The following MYO5C variants were observed in gnomAD, a reference collection of about 807,000 sequenced individuals.
The protein encoded by MYO5C is unconventional myosin-Vc.
MYO5C carries 194 observed loss-of-function variants against 235.7 expected under a neutral mutation model. The ratio of observed to expected loss-of-function variants is 0.82; its 90% confidence interval spans 0.73 to 0.93. The LOEUF (loss-of-function observed/expected upper bound fraction) is 0.93. Among genes scored for constraint, MYO5C ranks in the 40% least tolerant of loss-of-function variants. The pLI is 0.00. For synonymous variants in MYO5C, 707 were observed against 754.8 expected (o/e 0.94, Z 1.04); for missense variants, 2,038 against 2,127.2 (o/e 0.96, Z 0.82).
Position 52,193,929 on chromosome 15 carries a change from G to C in MYO5C, c.5202C>G (p.Phe1734Leu). ...ATAACCTATTCAGAAAGCCTAGCTT[G>C]AAACTGCTGGGGATCTGAATCATTT... The part of the protein sequence containing the change: ...ALEMIQIPSS[F>L]KLGFLNRL The change falls in exon 41 of 41, where the codon TTC becomes TTG. Residue 1734 changes from phenylalanine to leucine, a missense_variant. Phe to Leu is a conservative substitution (Grantham distance 22). Transcript: ENST00000261839. 6.2e-7 allele frequency: 1 copy of C among 1,613,088 alleles called. No individual in the cohort carries two copies.
In MYO5C at chr15:52,214,613, T is replaced by C. The variant is rs2035514008; in HGVS notation, c.4032A>G (p.Thr1344=). The C allele has an allele frequency of 1.2e-6, 2 of 1,601,240 alleles. No homozygotes were observed. The highest frequency in any genetic ancestry group is 1.7e-6 in the Non-Finnish European group (2 of 1,174,052). The change falls in exon 33 of 41, where the codon ACA becomes ACG. Residue 1344 remains threonine, a synonymous_variant. Transcript: ENST00000261839. ...LQDQVKTLSK[T]IGKANDVHSS... is the part of the protein sequence containing the mutation. ...AGTATTGTTTCTTACCTTTTCCAAT[T>C]GTCTTGCTTAGTGTCTTGACTTGAT...
At chr15:52,287,810 C>T (rs2037307105) in intron 1 of MYO5C, among the ~76,000 whole-genome samples, 2 of 152,096 alleles carry the variant, frequency 1.3e-5, no homozygotes, top group South Asian at 4.1e-4. Flanking sequence ...AACCCCGTCT[C>T]TACTAAAAAT....
At chr15:52,274,673 C>CCG (rs1555420128) in intron 5 of MYO5C, among the ~76,000 whole-genome samples, 15 of 134,672 alleles carry the variant, frequency 1.1e-4, no homozygotes, top group African/African-American at 5.3e-4. Context: ...TCTTAGTACC[C>CCG]CCCCCCCGAC....
chr15:52,295,482 G>T, intron 1 of MYO5C, 128 bp downstream of exon 1: 1 of 1,131,172 alleles, frequency 8.8e-7, no homozygotes, highest in Non-Finnish European at 1.2e-6. Context: ...GGCCCCCAGC[G>T]CGCGCCCGCC....
chr15:52,266,051 G>A (rs574113275), intron 8 of MYO5C, among the ~76,000 whole-genome samples: 18 of 152,204 alleles, frequency 1.2e-4, no homozygotes, highest in South Asian at 1.0e-3. Flanking sequence ...AACTAAAAAT[G>A]CCAAGTGCAG....
intron 1 of MYO5C, among the ~76,000 whole-genome samples, chr15:52,289,592 C>T (rs2140873326): frequency 6.6e-6 from 1 of 152,100 alleles, no homozygotes; most frequent in South Asian, 2.1e-4. Context: ...TTGCCATGGC[C>T]ATAAGTCAGC....
intron 20 of MYO5C, 152 bp downstream of exon 20, chr15:52,241,896 C>G: frequency 1.1e-6 from 1 of 908,972 alleles, no homozygotes; most frequent in Non-Finnish European, 1.7e-6. Flanking sequence ...CAGGCATGAG[C>G]CACAGCACCT....
At chr15:52,232,177 AGGAAGGG>A (rs72291894) in intron 24 of MYO5C, among the ~76,000 whole-genome samples, 13 of 10,150 alleles carry the variant, frequency 1.3e-3, no homozygotes, top group African/African-American at 1.8e-3. Context: ...GAAGGAAGGG[AGGAAGGG>A]AGGAAGGGAG....
In MYO5C at chr15:52,204,961, G is replaced by A. The variant is rs756731712; in HGVS notation, c.4724C>T (p.Ala1575Val). 12 of 1,614,240 alleles carry A rather than the reference G, an allele frequency of 7.4e-6. No homozygotes were observed. Among genetic ancestry groups the A allele is most frequent in the Admixed American group, 5.0e-5 (3 of 60,028 alleles). ...GATCAAGAAGAAGAGCTGCTTCACC[G>A]CCTGCCTCACAAGCTCGGGGTCCAG... Reference protein sequence around the residue: ...NGLDPELVRQAVKQLFFLIGA... With the variant: ...NGLDPELVRQVVKQLFFLIGA... Residue 1575 changes from alanine (A) to valine (V), a missense_variant, in exon 38 of 41, where the codon GCG becomes GTG. Transcript: ENST00000261839.
intron 31 of MYO5C, 62 bp from the exon 32 acceptor site, chr15:52,218,749 G>A: frequency 2.0e-6 from 3 of 1,522,734 alleles, no homozygotes; most frequent in Non-Finnish European, 2.7e-6. Flanking sequence ...GTCACTCACT[G>A]TCATAGCAAG....
chr15:52,272,578 A>G lies in MYO5C; in HGVS notation c.750+2T>C, dbSNP rs2036947956. On this transcript the variant is annotated splice_donor_variant, in intron 6 of 40. Coordinates refer to ENST00000261839, the MANE Select transcript of MYO5C (RefSeq NM_018728.4). LOFTEE classifies it high-confidence loss of function. ...TTGGGGAAAAGGAAATTTAATACTT[A>G]CTTGAAAGACAACTCTGGATTTCTC... The G allele has an allele frequency of 6.2e-7, 1 of 1,610,070 alleles. No homozygotes were observed.
intron 20 of MYO5C, among the ~76,000 whole-genome samples, chr15:52,241,729 GGTGTGTGT>G (rs370672907): frequency 6.7e-6 from 1 of 149,382 alleles, no homozygotes; most frequent in Non-Finnish European, 1.5e-5. Flanking sequence ...CAGTGCAACT[GGTGTGTGT>G]GTGTGTGTGT....
rs1408362754 is a variant in MYO5C, at chr15:52,205,890, ATCTG to A, written c.4459_4462del (p.Gln1487PhefsTer16). The A allele has an allele frequency of 3.8e-6, 6 of 1,598,266 alleles. No individual in the cohort carries two copies. In the African/African-American group the frequency reaches 5.3e-5, roughly 14 times the overall value. ...TATTCGTATAGCCACATCACTGAGAATCTGTCTGTATTCTGAAAGGTCAAAATTG... is the reference window on the plus strand; with the variant it reads ...TATTCGTATAGCCACATCACTGAGAATCTGTATTCTGAAAGGTCAAAATTG... On this transcript the variant is annotated frameshift_variant, in exon 37 of 41. Coordinates refer to ENST00000261839, the MANE Select transcript of MYO5C (RefSeq NM_018728.4). LOFTEE classifies it high-confidence loss of function.
At chr15:52,240,413 T>G (rs2036186510) in intron 20 of MYO5C, among the ~76,000 whole-genome samples, 1 of 151,324 alleles carries the variant, frequency 6.6e-6, no homozygotes, top group Non-Finnish European at 1.5e-5. Flanking sequence ...TACAAAAAAA[T>G]TTTAAAAATT....
intron 9 of MYO5C, among the ~76,000 whole-genome samples, chr15:52,263,367 C>A: frequency 6.6e-6 from 1 of 152,280 alleles, no homozygotes; most frequent in Middle Eastern, 3.4e-3. Flanking sequence ...AAGAAACACA[C>A]ATCAAATTAA....
chr15:52,215,246 G>A (rs1027096000), intron 32 of MYO5C, among the ~76,000 whole-genome samples: 4 of 152,184 alleles, frequency 2.6e-5, no homozygotes, highest in Admixed American at 1.3e-4. Flanking sequence ...TCAGAAGCTG[G>A]AGCTAGAGAA....
intron 1 of MYO5C, among the ~76,000 whole-genome samples, chr15:52,294,094 A>G (rs1269467631): frequency 6.6e-6 from 1 of 152,194 alleles, no homozygotes; most frequent in African/African-American, 2.4e-5. Context: ...CCTTCCTATC[A>G]GTTTTCTTAC....
At chr15:52,239,592 G>T in intron 21 of MYO5C, 141 bp downstream of exon 21, 1 of 808,990 alleles carries the variant, frequency 1.2e-6, no homozygotes, top group Non-Finnish European at 1.9e-6. Flanking sequence ...GTGTACTTCT[G>T]TTTCCTAGCT....
intron 8 of MYO5C, among the ~76,000 whole-genome samples, chr15:52,267,965 C>T (rs763129089): frequency 3.9e-5 from 6 of 152,130 alleles, no homozygotes; most frequent in South Asian, 2.1e-4. Flanking sequence ...ATTGAAATGA[C>T]GACCATAATT....
Sources: allele counts gnomAD v4.1 joint callset (sites outside exome capture counted in the v4.1 genomes callset), GRCh38; gene constraint gnomAD v4.1.1; transcripts MANE v1.5; gene names NCBI Gene and HGNC (gene_info 2026-07-23, HGNC 2026-07-21).